ADAMTS20: variants seen among roughly 807,000 people sequenced by gnomAD.
ADAMTS20 encodes the protein ADAM metallopeptidase with thrombospondin type 1 motif 20, also known as A disintegrin and metalloproteinase with thrombospondin motifs 20.
In ADAMTS20, 225 loss-of-function variants were observed where a neutral mutation model predicts 260.1. The ratio of observed to expected loss-of-function variants is 0.87; its 90% CI spans 0.78 to 0.97. The LOEUF (loss-of-function observed/expected upper bound fraction) is 0.97, where lower values mean the gene tolerates loss of function less well. Among genes scored for constraint, ADAMTS20 ranks in the 50% least tolerant of loss-of-function variants. The pLI, the probability that ADAMTS20 is intolerant of heterozygous loss-of-function variation, is 0.00. For missense variants in ADAMTS20, 2,400 were observed against 2,337.7 expected, an observed-to-expected ratio of 1.03 and a Z score of -0.55; for synonymous variants, 802 against 769.5, an observed-to-expected ratio of 1.04 and a Z score of -0.70.
chr12:43,358,854 AAAAGT>A (rs1490833406), intron 37 of ADAMTS20, among the ~76,000 whole-genome samples: 2 of 151,666 alleles, frequency 1.3e-5, no homozygotes, highest in African/African-American at 4.8e-5. Context: ...AAAAAAAAAA[AAAAGT>A]AATTCAACAA....
intron 18 of ADAMTS20, among the ~76,000 whole-genome samples, chr12:43,437,998 T>A (rs918405412): frequency 6.6e-6 from 1 of 152,130 alleles, no homozygotes; most frequent in Admixed American, 6.5e-5. Flanking sequence ...TGAGGACTGA[T>A]AACTTTCAGT....
chr12:43,421,298 ACT>A (rs1941232884), intron 28 of ADAMTS20, among the ~76,000 whole-genome samples: 1 of 150,960 alleles, frequency 6.6e-6, no homozygotes, highest in African/African-American at 2.4e-5. Context: ...AAAAAAAAAA[ACT>A]TTCTCTTTTT....
chr12:43,373,522 AAAATCTC>A (rs1940150416), intron 36 of ADAMTS20, among the ~76,000 whole-genome samples: 1 of 152,094 alleles, frequency 6.6e-6, no homozygotes, highest in Non-Finnish European at 1.5e-5. Flanking sequence ...AGTCACAAAA[AAAATCTC>A]AAAATGTTTT....
At chr12:43,508,985 T>C (rs76595636) in intron 3 of ADAMTS20, among the ~76,000 whole-genome samples, 2,720 of 152,236 alleles carry the variant, frequency 0.018, 89 homozygotes, top group African/African-American at 0.062. Flanking sequence ...CTCCCACTTA[T>C]AAATATTGAG....
intron 7 of ADAMTS20, among the ~76,000 whole-genome samples, chr12:43,483,263 T>A (rs1942469245): frequency 6.6e-6 from 1 of 152,070 alleles, no homozygotes; most frequent in Non-Finnish European, 1.5e-5. Context: ...GTAGCCTGGC[T>A]CTCAGGGACT....
intron 7 of ADAMTS20, among the ~76,000 whole-genome samples, chr12:43,478,746 G>A (rs1436775840): frequency 6.6e-6 from 1 of 152,144 alleles, no homozygotes; most frequent in African/African-American, 2.4e-5. Flanking sequence ...TGTCAACCTA[G>A]AATTGGTAAC....
Position 43,551,910 on chromosome 12 carries a change from G to A in ADAMTS20, c.12C>T (p.Ala4=). The A allele has an allele frequency of 6.2e-7, 1 of 1,613,576 alleles. No homozygotes were observed. Among genetic ancestry groups the A allele is most frequent in the Non-Finnish European group, 8.5e-7 (1 of 1,179,722 alleles). MWV[A]KWLTGLLYHL... Reference sequence around the variant, plus strand: ...GGTAGAGCAGCCCAGTCAGCCACTTGGCCACCCACATGGTTCCACCCTGGG... The same window carrying A: ...GGTAGAGCAGCCCAGTCAGCCACTTAGCCACCCACATGGTTCCACCCTGGG... Residue 4 remains alanine, a synonymous_variant, in exon 1 of 39, where the codon GCC becomes GCT. Transcript: ENST00000389420. The surrounding 1 kb of genome is among the most constrained non-coding windows in gnomAD (Gnocchi z 4.6).
intron 3 of ADAMTS20, among the ~76,000 whole-genome samples, chr12:43,520,026 G>T (rs900606670): frequency 6.6e-6 from 1 of 152,070 alleles, no homozygotes; most frequent in Non-Finnish European, 1.5e-5. Flanking sequence ...ACTATTTCTA[G>T]TTCTTGTTCT....
chr12:43,382,954 A>G (rs540840350), intron 31 of ADAMTS20, among the ~76,000 whole-genome samples: 6 of 152,060 alleles, frequency 3.9e-5, no homozygotes, highest in South Asian at 2.1e-4. Flanking sequence ...CAACCTGATC[A>G]AATCTCAAAA....
At position 43,452,685 on chromosome 12, in the gene ADAMTS20, C is replaced by T. The variant is rs375621283; in HGVS notation, c.1771G>A (p.Gly591Arg). 136 of 1,602,370 alleles carry T rather than the reference C, an allele frequency of 8.5e-5. No individual in the cohort carries two copies. The highest frequency in any genetic ancestry group is 1.9e-4 in the Admixed American group (11 of 59,398). The change falls in exon 13 of 39, where the codon GGA (glycine) becomes AGA (arginine). Residue 591 changes from glycine (G) to arginine (R), a missense_variant. Transcript: ENST00000389420. ...CTGCGGCCCACACAGTAATTTCCTC[C>T]GTTTCTTGGCCTAGTCAAATTCATT... ...RRCNRPEPRN[G>R]GNYCVGRRMK...
chr12:43,453,982 C>A lies in ADAMTS20; in HGVS notation c.1685G>T (p.Trp562Leu), dbSNP rs1941918191. 6.2e-7 allele frequency: 1 copy of A among 1,613,664 alleles called. No individual in the cohort carries two copies. Among genetic ancestry groups the A allele is most frequent in the Non-Finnish European group, 8.5e-7 (1 of 1,179,770 alleles). ...TCTTGAACAAGAACTGTAAGGTTCC[C>A]ATGGTCCCCATTCACCATTTACAGG... ...TRPVNGEWGP[W>L]EPYSSCSRTC... The change falls in exon 12 of 39, where the codon TGG becomes TTG. Residue 562 changes from tryptophan (W) to leucine (L), a missense_variant. Coordinates refer to ENST00000389420, the MANE Select transcript of ADAMTS20 (RefSeq NM_025003.5).
At chr12:43,471,045 G>A (rs1032184954) in intron 7 of ADAMTS20, among the ~76,000 whole-genome samples, 29 of 152,222 alleles carry the variant, frequency 1.9e-4, no homozygotes, top group African/African-American at 5.5e-4. Flanking sequence ...CGCAGAAGAC[G>A]GGTGATTTCT....
intron 7 of ADAMTS20, among the ~76,000 whole-genome samples, chr12:43,484,048 T>C (rs1252125546): frequency 6.6e-6 from 1 of 152,026 alleles, no homozygotes; most frequent in African/African-American, 2.4e-5. Context: ...TGCATGAAGA[T>C]TTTCTATAAT....
chr12:43,512,862 T>C (rs972741617), intron 3 of ADAMTS20, among the ~76,000 whole-genome samples: 4 of 152,228 alleles, frequency 2.6e-5, no homozygotes, highest in African/African-American at 9.6e-5. Context: ...TTATTACAGC[T>C]GAACTCCACA....
chr12:43,354,383 T>C, intron 38 of ADAMTS20, 85 bp from the exon 39 acceptor site: 1 of 948,740 alleles, frequency 1.1e-6, no homozygotes, highest in Non-Finnish European at 1.6e-6. Flanking sequence ...ATGCTTTGAA[T>C]CATATGGCTA....
At chr12:43,529,302 G>C (rs1943188804) in intron 3 of ADAMTS20, among the ~76,000 whole-genome samples, 1 of 152,068 alleles carries the variant, frequency 6.6e-6, no homozygotes, top group South Asian at 2.1e-4. Context: ...TGATGACTGG[G>C]CATCTACCCA....
intron 2 of ADAMTS20, among the ~76,000 whole-genome samples, chr12:43,539,259 A>G (rs1943341330): frequency 6.6e-6 from 1 of 152,020 alleles, no homozygotes; most frequent in Admixed American, 6.6e-5. Context: ...GCTTTAATGA[A>G]CATTCTTAAG....
intron 28 of ADAMTS20, among the ~76,000 whole-genome samples, chr12:43,409,623 A>AAAAAAAAAAAAAAAC (rs1940992970): frequency 7.2e-6 from 1 of 139,014 alleles, no homozygotes. Flanking sequence ...AAAAAAAAAA[A>AAAAAAAAAAAAAAAC]AAAAAAACAA....
At chr12:43,469,839 T>C (rs1212717398) in intron 7 of ADAMTS20, among the ~76,000 whole-genome samples, 1 of 152,110 alleles carries the variant, frequency 6.6e-6, no homozygotes, top group Admixed American at 6.6e-5. Flanking sequence ...TTAAGAGAAA[T>C]GGAAGTTAAA....
Sources: allele counts gnomAD v4.1 joint callset (sites outside exome capture counted in the v4.1 genomes callset), GRCh38; gene constraint gnomAD v4.1.1; non-coding constraint Gnocchi (gnomAD v3.1); transcripts MANE v1.5; gene names NCBI Gene and HGNC (gene_info 2026-07-23, HGNC 2026-07-21).